The following LSM12 variants were observed in gnomAD, a reference collection of about 807,000 sequenced individuals.
The protein encoded by LSM12 is LSM12 homolog.
For missense variants in LSM12, 108 were observed against 238.9 expected (o/e 0.45, Z 3.61); for synonymous variants, 74 against 87.3 (o/e 0.85, Z 0.85).
rs1294013239 is a variant in LSM12, at chr17:44,036,066, G to A, written c.*142C>T. 4.7e-6 allele frequency: 3 copies of A among 643,706 alleles called. No individual in the cohort carries two copies. Among genetic ancestry groups the A allele is most frequent in the African/African-American group, 4.0e-5 (2 of 50,494 alleles). 39.9% of individuals were successfully genotyped at this position (643,706 alleles called of 1,614,324 possible). A position where few individuals can be genotyped will look rare whatever the true frequency, so the allele number is the denominator to read the frequency against. ...TTTGTTGGGTGTTTTGTTTGTTCAA[G>A]TCTAAGATTTGGAAATGCTGACCCT... On this transcript the variant is annotated 3_prime_UTR_variant, in exon 5 of 5. Coordinates refer to ENST00000293406, the MANE Select transcript of LSM12 (RefSeq NM_001371445.1).
chr17:44,065,998 G>C (rs994937209), intron 1 of LSM12, among the ~76,000 whole-genome samples: 11 of 151,914 alleles, frequency 7.2e-5, no homozygotes, highest in African/African-American at 2.7e-4. Context: ...CCCTTCCTTG[G>C]ACGAAATCCC....
chr17:44,066,715 C>G (rs1222396450), upstream of LSM12: 1 of 1,182,122 alleles, frequency 8.5e-7, no homozygotes, highest in Non-Finnish European at 1.1e-6. Flanking sequence ...CGTGGCCTGG[C>G]GCTGGTTGGG....
intron 3 of LSM12, among the ~76,000 whole-genome samples, chr17:44,038,278 G>A (rs552366151): frequency 1.3e-4 from 19 of 150,930 alleles, no homozygotes; most frequent in African/African-American, 3.4e-4. Context: ...CACCAGAGCC[G>A]GGGAGATTGA....
chr17:44,060,374 A>G (rs1005019489), intron 2 of LSM12, among the ~76,000 whole-genome samples: 1 of 152,178 alleles, frequency 6.6e-6, no homozygotes, highest in Non-Finnish European at 1.5e-5. Flanking sequence ...CAACATGTTA[A>G]TAGCTGCCCG....
chr17:44,060,746 TAA>T (rs1019562251), intron 2 of LSM12, among the ~76,000 whole-genome samples: 1 of 152,164 alleles, frequency 6.6e-6, no homozygotes, highest in Admixed American at 6.6e-5. Flanking sequence ...AGGAAAACCC[TAA>T]AGGCAAAGAT....
At position 44,040,137 on chromosome 17, in the gene LSM12, C is replaced by G. The variant is rs1316117494; in HGVS notation, c.368+10G>C. 1 of 1,607,462 alleles carries G rather than the reference C, an allele frequency of 6.2e-7. No homozygotes were observed. The highest frequency in any genetic ancestry group is 1.7e-5 in the Admixed American group (1 of 59,964). ...CCCCAGGACAAAGGACCTCTCCGAT[C>G]CCAACTCACGTCTTGTGAATGGTCT... is the stretch of plus-strand genomic sequence containing the variant. On this transcript the variant is annotated intron_variant, in intron 3 of 4. Coordinates refer to ENST00000293406, the MANE Select transcript of LSM12 (RefSeq NM_001371445.1).
intron 2 of LSM12, among the ~76,000 whole-genome samples, chr17:44,063,437 C>A (rs761486604): frequency 3.3e-5 from 5 of 151,958 alleles, no homozygotes; most frequent in Non-Finnish European, 5.9e-5. Flanking sequence ...GCAGAAAATG[C>A]ATATATTCAC....
rs1175934838 is a variant in LSM12 at position 44,046,793 on chromosome 17, C to T, written c.259-6537G>A. On this transcript the variant is annotated intron_variant, in intron 2 of 4. Coordinates refer to ENST00000293406, the MANE Select transcript of LSM12 (RefSeq NM_001371445.1). ...TTTTTTTTGCTGGAGTGCAATGGCG[C>T]GATCTTGGCTCACTGCAACCTCCGC... is the stretch of plus-strand genomic sequence containing the variant. 3.9e-5 allele frequency among the ~76,000 whole-genome samples: 5 copies of T among 128,094 alleles called. 1 individual carries two copies. The Admixed American group carries it at 4.3e-4, about 11-fold the overall frequency. The allele number at this position is 128,094 out of a possible 152,430, so 84.0% of individuals were successfully genotyped here.
At chr17:44,039,351 G>A (rs960783302) in intron 3 of LSM12, among the ~76,000 whole-genome samples, 1 of 141,822 alleles carries the variant, frequency 7.1e-6, no homozygotes, top group East Asian at 2.1e-4. Flanking sequence ...CACCGTGCCC[G>A]ACCAACAAAA....
chr17:44,041,470 C>G (rs555232902), intron 2 of LSM12, among the ~76,000 whole-genome samples: 2 of 152,234 alleles, frequency 1.3e-5, no homozygotes, highest in East Asian at 1.9e-4. Context: ...AAAACTCTTA[C>G]AGAACATTAT....
At chr17:44,051,486 G>C (rs2049643746) in intron 2 of LSM12, among the ~76,000 whole-genome samples, 1 of 151,830 alleles carries the variant, frequency 6.6e-6, no homozygotes, top group South Asian at 2.1e-4. Flanking sequence ...CTGGGGGGAG[G>C]AGGTGGCAGT....
chr17:44,040,540 A>G (rs920898255), intron 2 of LSM12, among the ~76,000 whole-genome samples: 1 of 152,106 alleles, frequency 6.6e-6, no homozygotes, highest in African/African-American at 2.4e-5. Context: ...TGGGTGGGGG[A>G]GACAGACTAT....
intron 2 of LSM12, among the ~76,000 whole-genome samples, chr17:44,055,049 A>G (rs1315994727): frequency 6.6e-6 from 1 of 150,496 alleles, no homozygotes; most frequent in African/African-American, 2.4e-5. Flanking sequence ...TAGTATTTTC[A>G]CCATATTGGC....
chr17:44,061,108 G>A (rs1045525173), intron 2 of LSM12, among the ~76,000 whole-genome samples: 3 of 151,926 alleles, frequency 2.0e-5, no homozygotes, highest in East Asian at 1.9e-4. Flanking sequence ...ACCTGAGGTC[G>A]GGAGTTCGAG....
chr17:44,060,006 T>C (rs539118339), intron 2 of LSM12, among the ~76,000 whole-genome samples: 49 of 151,432 alleles, frequency 3.2e-4, no homozygotes, highest in African/African-American at 1.1e-3. Flanking sequence ...CTACTAAAAA[T>C]ACAAAAAAAT....
chr17:44,065,439 TAAA>T (rs35086714), intron 1 of LSM12, among the ~76,000 whole-genome samples: 7,970 of 113,406 alleles, frequency 0.07, 263 homozygotes, highest in African/African-American at 0.11. Context: ...GACTCCATCT[TAAA>T]AAAAAAAAAA....
At chr17:44,037,090 C>T (rs1265354020) in intron 4 of LSM12, 6 of 180,218 alleles carry the variant, frequency 3.3e-5, no homozygotes, top group South Asian at 1.9e-4. Context: ...GGCGACAGAG[C>T]GAGACTCTGT....
intron 1 of LSM12, among the ~76,000 whole-genome samples, chr17:44,064,313 CAG>C (rs2049840046): frequency 6.6e-6 from 1 of 152,194 alleles, no homozygotes; most frequent in South Asian, 2.1e-4. Flanking sequence ...TCCCATTTTG[CAG>C]AGGAGAAAAC....
At chr17:44,048,386 G>A (rs1415423374) in intron 2 of LSM12, among the ~76,000 whole-genome samples, 2 of 151,346 alleles carry the variant, frequency 1.3e-5, no homozygotes, top group African/African-American at 4.9e-5. Context: ...GGAGGCTGAG[G>A]CAGAGGAATT....
Sources: allele counts gnomAD v4.1 joint callset (sites outside exome capture counted in the v4.1 genomes callset), GRCh38; gene constraint gnomAD v4.1.1; transcripts MANE v1.5; gene names NCBI Gene and HGNC (gene_info 2026-07-23, HGNC 2026-07-21).